DENND2B: variants seen among roughly 807,000 people sequenced by gnomAD.
DENND2B encodes DENN domain-containing protein 2B.
In DENND2B, 32 loss-of-function variants were observed where a neutral mutation model predicts 116.0. That is an observed-to-expected ratio of 0.28 (90% CI 0.21 to 0.37). DENND2B has a LOEUF of 0.37. Among genes scored for constraint, DENND2B ranks in the 10% least tolerant of loss-of-function variants. The pLI is 1.00. For missense variants in DENND2B, 1,276 were observed against 1,477.7 expected (o/e 0.86, Z 2.24); for synonymous variants, 588 against 583.9 (o/e 1.01, Z -0.10).
chr11:8,779,947 G>A (rs1034041565), intron 1 of DENND2B, among the ~76,000 whole-genome samples: 3 of 152,206 alleles, frequency 2.0e-5, no homozygotes, highest in African/African-American at 7.2e-5. Flanking sequence ...CCCACGGTAG[G>A]ACAAGCTTCA....
chr11:8,695,714 A>C (rs2040236619), intron 18 of DENND2B, 165 bp from the exon 19 acceptor site: 1 of 628,564 alleles, frequency 1.6e-6, no homozygotes, highest in Admixed American at 2.9e-5. Flanking sequence ...CTGGCTCATC[A>C]AGGCGATCAT....
rs190031254 is a variant in DENND2B at position 8,776,101 on chromosome 11, C to G, written c.-25-25376G>C. 7.0e-4 allele frequency: 296 copies of G among 420,664 alleles called. 1 individual carries two copies. Among genetic ancestry groups the G allele is most frequent in the African/African-American group, 5.4e-3 (268 of 49,496 alleles). 26.1% of individuals were successfully genotyped at this position (420,664 alleles called of 1,614,324 possible). A position where few individuals can be genotyped will look rare whatever the true frequency, so the allele number is the denominator to read the frequency against. ...ACCACCCTCCCCAGACCTGCCCACA[C>G]AGAGATACACAGACTTGCACATGCA... On this transcript the variant is annotated intron_variant, in intron 1 of 19. Transcript: ENST00000313726.
At chr11:8,711,069 T>C (rs1310131152) in intron 10 of DENND2B, 53 bp downstream of exon 10, 14 of 1,590,352 alleles carry the variant, frequency 8.8e-6, no homozygotes, top group Admixed American at 8.3e-5. Flanking sequence ...GCCCACGCTA[T>C]GGGGGTAAAG....
upstream of DENND2B, among the ~76,000 whole-genome samples, chr11:8,875,986 T>A (rs7106539): frequency 3.9e-5 from 5 of 128,258 alleles, no homozygotes; most frequent in Admixed American, 7.8e-5. Context: ...TATTATTTTA[T>A]TTAGATCTAC....
Position 8,712,810 on chromosome 11 carries a change from T to C in DENND2B, c.1988-75A>G. 1 of 1,463,184 alleles carries C rather than the reference T, an allele frequency of 6.8e-7. No individual in the cohort carries two copies. The highest frequency in any genetic ancestry group is 9.1e-7 in the Non-Finnish European group (1 of 1,094,068). The allele number at this position is 1,463,184 out of a possible 1,614,324, so 90.6% of individuals were successfully genotyped here. A position where few individuals can be genotyped will look rare whatever the true frequency, so the allele number is the denominator to read the frequency against. On this transcript the variant is annotated intron_variant, in intron 8 of 19. Transcript: ENST00000313726. This position sits in a 1 kb window ranked among gnomAD's most constrained non-coding sequence, Gnocchi z 4.4. ...AACTCCTCTACCCCTGGCTCAGGGC[T>C]CCATTGCTGTGGAGCACTTTTAAGT...
At chr11:8,780,011 T>C (rs1300854929) in intron 1 of DENND2B, among the ~76,000 whole-genome samples, 5 of 152,212 alleles carry the variant, frequency 3.3e-5, no homozygotes, top group South Asian at 2.1e-4. Flanking sequence ...TGTGTTGGCC[T>C]GGGTCAAGCT....
intron 1 of DENND2B, among the ~76,000 whole-genome samples, chr11:8,805,773 G>A (rs112420404): frequency 0.012 from 1,786 of 152,210 alleles, 17 homozygotes; most frequent in Middle Eastern, 0.031. Flanking sequence ...ACAACACAAC[G>A]TCTATTATAA....
In DENND2B at chr11:8,726,227, A is replaced by C; in HGVS notation, c.1341-18T>G. The C allele has an allele frequency of 1.9e-6, 3 of 1,598,050 alleles. No individual in the cohort carries two copies. ...AGGATTTTCTGTGGATAACAAGAGCAAGAGTCATTCCTGCTGAATCAGATC... is the reference window on the plus strand; with the variant it reads ...AGGATTTTCTGTGGATAACAAGAGCCAGAGTCATTCCTGCTGAATCAGATC... On this transcript the variant is annotated intron_variant, in intron 3 of 19. Coordinates refer to ENST00000313726, the MANE Select transcript of DENND2B (RefSeq NM_213618.2).
At position 8,715,545 on chromosome 11, in the gene DENND2B, G is replaced by A. The variant is rs1470498141; in HGVS notation, c.1845+58C>T. 7.7e-6 allele frequency: 12 copies of A among 1,557,906 alleles called. No homozygotes were observed. The African/African-American group carries it at 1.4e-4, about 18-fold the overall frequency. On this transcript the variant is annotated intron_variant, in intron 6 of 19. Transcript: ENST00000313726. ...AGGAAGCCAGGAAAGAGAGAGAAAG[G>A]CTGGCTGCCTGCCCGCCCACCTGCC...
intron 11 of DENND2B, chr11:8,708,425 AT>A (rs1388074508): frequency 2.6e-6 from 2 of 756,012 alleles, no homozygotes; most frequent in Non-Finnish European, 1.6e-6. Context: ...TTTACAAGAG[AT>A]TTGTGAGAGA....
intron 18 of DENND2B, chr11:8,696,108 A>G: frequency 3.0e-6 from 1 of 338,616 alleles, no homozygotes; most frequent in Non-Finnish European, 5.4e-6. Flanking sequence ...GAAATTGCTC[A>G]GTCTGCTCCT....
intron 3 of DENND2B, among the ~76,000 whole-genome samples, chr11:8,727,302 A>G (rs570610018): frequency 2.6e-5 from 4 of 152,242 alleles, no homozygotes; most frequent in African/African-American, 9.6e-5. Context: ...GGGTGTAGGT[A>G]AAGGGCTAAA....
At chr11:8,727,421 GT>G (rs369915213) in intron 3 of DENND2B, among the ~76,000 whole-genome samples, 176 of 152,238 alleles carry the variant, frequency 1.2e-3, no homozygotes, top group African/African-American at 4.1e-3. Context: ...GTGTGCCTCT[GT>G]GACACATTCC....
At chr11:8,756,065 C>G (rs149211170) in intron 1 of DENND2B, among the ~76,000 whole-genome samples, 1 of 152,306 alleles carries the variant, frequency 6.6e-6, no homozygotes, top group Non-Finnish European at 1.5e-5. Context: ...TGCTAAGCAT[C>G]AGTTTTCAAC....
intron 1 of DENND2B, among the ~76,000 whole-genome samples, chr11:8,793,336 C>T (rs947004100): frequency 2.0e-5 from 3 of 152,172 alleles, no homozygotes; most frequent in Admixed American, 6.5e-5. Flanking sequence ...CAATAACTCC[C>T]CATTCTCCCC....
At position 8,718,384 on chromosome 11, in the gene DENND2B, C is replaced by CA. The variant is rs1491347801; in HGVS notation, c.1478-493dup. ...TTTGGAGGGTGGGCATGGAGGAACT[C>CA]ACAGAACCGTAGGGAGCAGGGCTTC... On this transcript the variant is annotated intron_variant, in intron 4 of 19. Transcript: ENST00000313726. 95 of 1,535,222 alleles carry CA rather than the reference C, an allele frequency of 6.2e-5. 1 individual carries two copies. The Admixed American group carries it at 1.8e-3, about 29-fold the overall frequency.
intron 4 of DENND2B, among the ~76,000 whole-genome samples, chr11:8,836,500 C>A (rs2062433271): frequency 6.8e-6 from 1 of 146,044 alleles, no homozygotes; most frequent in South Asian, 2.2e-4. Context: ...CAGCTCACTG[C>A]AACCTCCGCC....
In DENND2B at chr11:8,719,251, A is replaced by G. The variant is rs537250639; in HGVS notation, c.1478-1359T>C. 1.7e-5 allele frequency: 17 copies of G among 984,616 alleles called. 1 individual carries two copies. The Admixed American group carries it at 1.0e-3, about 61-fold the overall frequency. The allele number at this position is 984,616 out of a possible 1,614,324, so 61.0% of individuals were successfully genotyped here. A position where few individuals can be genotyped will look rare whatever the true frequency, so the allele number is the denominator to read the frequency against. On this transcript the variant is annotated intron_variant, in intron 4 of 19. Coordinates refer to ENST00000313726, the MANE Select transcript of DENND2B (RefSeq NM_213618.2). ...ATGCTTGCAGATTCCTCCATTTCCA[A>G]AGTGGAGCTCCCTCCACATTGTGGC...
At chr11:8,762,057 T>A (rs1449246185) in intron 1 of DENND2B, among the ~76,000 whole-genome samples, 1 of 152,062 alleles carries the variant, frequency 6.6e-6, no homozygotes, top group Non-Finnish European at 1.5e-5. Context: ...TAAGAACAGA[T>A]CCTCAATGAG....
Sources: gnomAD v4.1 joint callset for allele counts (sites outside exome capture counted in the v4.1 genomes callset) on GRCh38, gnomAD v4.1.1 for gene constraint, Gnocchi (gnomAD v3.1) non-coding constraint, MANE v1.5 for transcripts, NCBI Gene and HGNC (gene_info 2026-07-23, HGNC 2026-07-21) for gene names.